CCDC60: variants seen among roughly 807,000 people sequenced by gnomAD.
CCDC60 encodes coiled-coil domain containing 60.
Under a neutral mutation model 63.5 loss-of-function variants are expected in CCDC60, and 54 were observed. The ratio of observed to expected loss-of-function variants is 0.85; its 90% CI spans 0.68 to 1.07. The LOEUF is 1.07. CCDC60 is among the 50% of genes least tolerant of loss of function. The pLI is 0.00. For missense variants in CCDC60, 651 were observed against 684.3 expected, an observed-to-expected ratio of 0.95 and a Z score of 0.54; for synonymous variants, 206 against 238.8, an observed-to-expected ratio of 0.86 and a Z score of 1.27.
rs1951519991 is a variant in CCDC60 at position 119,488,948 on chromosome 12, C to T, written c.557+82C>T. 4 of 1,167,884 alleles carry T rather than the reference C, an allele frequency of 3.4e-6. No homozygotes were observed. In the South Asian group the frequency reaches 3.7e-5, roughly 11 times the overall value. 72.3% of individuals were successfully genotyped at this position (1,167,884 alleles called of 1,614,324 possible). On this transcript the variant is annotated intron_variant, in intron 5 of 13. Coordinates refer to ENST00000327554, the MANE Select transcript of CCDC60 (RefSeq NM_178499.5). Reference sequence around the variant, plus strand: ...GAGATTCCTGTATGTTCTTCCACTCCCTTTGCTGTTTTTGGTAGGTGGGCT... The same window carrying T: ...GAGATTCCTGTATGTTCTTCCACTCTCTTTGCTGTTTTTGGTAGGTGGGCT...
At chr12:119,366,740 A>G (rs1221396326) in intron 1 of CCDC60, among the ~76,000 whole-genome samples, 1 of 152,200 alleles carries the variant, frequency 6.6e-6, no homozygotes, top group Non-Finnish European at 1.5e-5. Flanking sequence ...TAGAATGAGT[A>G]CAGCCTTCAG....
In CCDC60 at chr12:119,358,995, C is replaced by T. The variant is rs115087794; in HGVS notation, c.90+23729C>T. On this transcript the variant is annotated intron_variant, in intron 1 of 13. Coordinates refer to ENST00000327554, the MANE Select transcript of CCDC60 (RefSeq NM_178499.5). ...GCCAGAGGAAATGCATATGTTCAGC[C>T]TTATAAGCTTTATATGCTGCCAAAC... Among the ~76,000 whole-genome samples the T allele has an allele frequency of 3.8e-3, 578 of 152,108 alleles. 1 individual carries two copies. The highest frequency in any genetic ancestry group is 0.013 in the African/African-American group (547 of 41,398).
At chr12:119,413,681 T>G (rs1015343575) in intron 1 of CCDC60, among the ~76,000 whole-genome samples, 1 of 152,098 alleles carries the variant, frequency 6.6e-6, no homozygotes, top group Non-Finnish European at 1.5e-5. Context: ...AAGAGATGAC[T>G]TTCTTCGGGT....
chr12:119,380,482 C>CA (rs1330943184), intron 1 of CCDC60, among the ~76,000 whole-genome samples: 1 of 152,152 alleles, frequency 6.6e-6, no homozygotes, highest in African/African-American at 2.4e-5. Context: ...CGTAATATCT[C>CA]AGAGTTGGAA....
chr12:119,507,435 T>C (rs867684579), intron 7 of CCDC60, among the ~76,000 whole-genome samples: 1 of 147,246 alleles, frequency 6.8e-6, no homozygotes, highest in Non-Finnish European at 1.5e-5. Flanking sequence ...TACGTGTATA[T>C]ATATACACAT....
At chr12:119,488,568 G>T (rs1035559469) in intron 4 of CCDC60, among the ~76,000 whole-genome samples, 191 bp from the exon 5 acceptor site, 1 of 152,128 alleles carries the variant, frequency 6.6e-6, no homozygotes, top group Non-Finnish European at 1.5e-5. Flanking sequence ...CTGTAAAATG[G>T]GCTACAGAAT....
chr12:119,426,352 TTTTTG>T (rs1956900263), intron 1 of CCDC60, among the ~76,000 whole-genome samples: 1 of 78,484 alleles, frequency 1.3e-5, no homozygotes, highest in Non-Finnish European at 2.4e-5. Context: ...TTTTTATTTA[TTTTTG>T]TTTTGTTTTG....
chr12:119,525,684 T>C (rs901042334), intron 11 of CCDC60, among the ~76,000 whole-genome samples: 10 of 152,076 alleles, frequency 6.6e-5, no homozygotes, highest in African/African-American at 1.4e-4. Context: ...TATCAGCTAA[T>C]ACAAATACAC....
chr12:119,488,653 CT>C, intron 4 of CCDC60, 105 bp from the exon 5 acceptor site: 4 of 894,864 alleles, frequency 4.5e-6, no homozygotes, highest in African/African-American at 1.6e-5. Flanking sequence ...AGCATGGTGC[CT>C]GCTCCCTCAC....
At chr12:119,352,122 GGAGA>G (rs908054833) in intron 1 of CCDC60, among the ~76,000 whole-genome samples, 30 of 152,314 alleles carry the variant, frequency 2.0e-4, no homozygotes, top group African/African-American at 6.7e-4. Flanking sequence ...ATGGCCAGTA[GGAGA>G]GAGAGAAAGT....
At chr12:119,526,418 C>T (rs1043139956) in intron 11 of CCDC60, among the ~76,000 whole-genome samples, 1 of 152,188 alleles carries the variant, frequency 6.6e-6, no homozygotes, top group Non-Finnish European at 1.5e-5. Context: ...CAAATGGGAT[C>T]TAATTGAACT....
At chr12:119,355,067 C>A (rs1419627285) in intron 1 of CCDC60, among the ~76,000 whole-genome samples, 1 of 152,160 alleles carries the variant, frequency 6.6e-6, no homozygotes, top group Non-Finnish European at 1.5e-5. Flanking sequence ...GACCCTTGAA[C>A]AAATCACCTC....
intron 4 of CCDC60, among the ~76,000 whole-genome samples, chr12:119,486,374 A>C (rs1038817620): frequency 6.6e-6 from 1 of 151,328 alleles, no homozygotes; most frequent in Admixed American, 6.6e-5. Context: ...CCATCTCTAC[A>C]AAAAAAAATA....
At chr12:119,397,003 G>A (rs532910112) in intron 1 of CCDC60, among the ~76,000 whole-genome samples, 3 of 152,286 alleles carry the variant, frequency 2.0e-5, no homozygotes, top group Non-Finnish European at 1.5e-5. Flanking sequence ...TCGTGGTCTC[G>A]CTGGCTTCAG....
chr12:119,534,845 G>A (rs954586945), intron 13 of CCDC60, among the ~76,000 whole-genome samples: 5 of 152,102 alleles, frequency 3.3e-5, no homozygotes, highest in East Asian at 1.9e-4. Flanking sequence ...CTTTCACATC[G>A]ATGTTCATCA....
At chr12:119,477,376 G>C (rs1443769872) in intron 3 of CCDC60, among the ~76,000 whole-genome samples, 1 of 152,224 alleles carries the variant, frequency 6.6e-6, no homozygotes, top group Non-Finnish European at 1.5e-5. Flanking sequence ...AGGAAGTACA[G>C]TATTCCCTGG....
At chr12:119,504,200 T>A (rs1025630261) in intron 6 of CCDC60, among the ~76,000 whole-genome samples, 2 of 152,172 alleles carry the variant, frequency 1.3e-5, no homozygotes, top group Non-Finnish European at 2.9e-5. Flanking sequence ...GAATTCTGGT[T>A]CTGCTATTTT....
intron 1 of CCDC60, among the ~76,000 whole-genome samples, chr12:119,413,777 G>A (rs1956648057): frequency 6.6e-6 from 1 of 152,078 alleles, no homozygotes; most frequent in South Asian, 2.1e-4. Flanking sequence ...TGCTCCCCCA[G>A]CCCACCTTGG....
At chr12:119,471,285 C>T (rs1951051834) in intron 2 of CCDC60, among the ~76,000 whole-genome samples, 1 of 152,230 alleles carries the variant, frequency 6.6e-6, no homozygotes, top group Non-Finnish European at 1.5e-5. Flanking sequence ...AGAACCCACA[C>T]ATTAGTACTT....
Sources: allele counts gnomAD v4.1 joint callset (sites outside exome capture counted in the v4.1 genomes callset), GRCh38; gene constraint gnomAD v4.1.1; transcripts MANE v1.5; gene names NCBI Gene and HGNC (gene_info 2026-07-23, HGNC 2026-07-21).